Variants in AGMO observed in about 807,000 individuals in gnomAD.
AGMO encodes the protein glyceryl-ether monooxygenase.
A neutral mutation model predicts 60.2 loss-of-function variants in AGMO; 75 were observed. That is an observed-to-expected ratio of 1.25 (90% CI 1.03 to 1.51). The LOEUF is 1.51. Among genes scored for constraint, AGMO ranks in the 40% most tolerant of loss-of-function variants. The probability of loss-of-function intolerance (pLI) is 0.00; values close to 1 mark genes in which losing one functional copy is unlikely to be tolerated. For missense variants in AGMO, 763 were observed against 525.5 expected (o/e 1.45, Z -4.42); for synonymous variants, 261 against 177.1 (o/e 1.47, Z -3.76).
At chr7:15,291,205 T>C (rs1563072332) in intron 12 of AGMO, among the ~76,000 whole-genome samples, 1 of 152,230 alleles carries the variant, frequency 6.6e-6, no homozygotes, top group East Asian at 1.9e-4. Flanking sequence ...ATTAAAATGT[T>C]TGTGGTTAAG....
the AGMO span, among the ~76,000 whole-genome samples, chr7:15,143,491 T>C: frequency 1.3e-5 from 2 of 152,180 alleles, no homozygotes; most frequent in Non-Finnish European, 2.9e-5. Flanking sequence ...TAACTGAACA[T>C]GCAGACTGTT....
the AGMO span, among the ~76,000 whole-genome samples, chr7:15,181,302 T>C: frequency 3.5e-4 from 54 of 152,160 alleles, no homozygotes; most frequent in African/African-American, 1.2e-3. Context: ...AAAATTTCAA[T>C]TGACTGTTAT....
At chr7:15,223,157 T>C (rs1323120435) in intron 12 of AGMO, among the ~76,000 whole-genome samples, 1 of 151,942 alleles carries the variant, frequency 6.6e-6, no homozygotes, top group Non-Finnish European at 1.5e-5. Context: ...TTTAAGTGAG[T>C]GCTCAAAAGG....
At chr7:15,554,079 C>T (rs751476824) in intron 2 of AGMO, among the ~76,000 whole-genome samples, 1 of 152,110 alleles carries the variant, frequency 6.6e-6, no homozygotes, top group Non-Finnish European at 1.5e-5. Flanking sequence ...CTAACCAATA[C>T]AGCTGGGAAA....
rs189960381 is a variant in AGMO at position 15,466,794 on chromosome 7, A to G, written c.410-35686T>C. Among the ~76,000 whole-genome samples, 491 of 152,304 alleles carry G rather than the reference A, an allele frequency of 3.2e-3. 8 individuals are homozygous for G. The highest frequency in any genetic ancestry group is 5.4e-4 in the Non-Finnish European group (37 of 68,022). Reference sequence around the variant, plus strand: ...TTCTCATTTTAAGTACTGTGTCAGCATTGGATAAATAAAGGATACAGTTGG... The same window carrying G: ...TTCTCATTTTAAGTACTGTGTCAGCGTTGGATAAATAAAGGATACAGTTGG... On this transcript the variant is annotated intron_variant, in intron 3 of 12. Coordinates refer to ENST00000342526, the MANE Select transcript of AGMO (RefSeq NM_001004320.2).
chr7:15,185,670 T>C, the AGMO span, among the ~76,000 whole-genome samples: 2 of 151,972 alleles, frequency 1.3e-5, no homozygotes, highest in African/African-American at 2.4e-5. Context: ...AACTTAATCA[T>C]AGCCTTAGAA....
intron 12 of AGMO, among the ~76,000 whole-genome samples, chr7:15,224,272 T>G (rs1309224928): frequency 6.6e-6 from 1 of 152,070 alleles, no homozygotes; most frequent in Non-Finnish European, 1.5e-5. Flanking sequence ...TGAATATTTG[T>G]GTCCACCCTC....
intron 12 of AGMO, among the ~76,000 whole-genome samples, chr7:15,347,903 G>A (rs1342146081): frequency 1.3e-5 from 2 of 151,886 alleles, no homozygotes; most frequent in East Asian, 1.9e-4. Context: ...CAAGATAGAG[G>A]ATACTGATGG....
At position 15,543,498 on chromosome 7, in the gene AGMO, C is replaced by T. The variant is rs79872496; in HGVS notation, c.409+1274G>A. Among the ~76,000 whole-genome samples the T allele has an allele frequency of 7.2e-5, 11 of 152,216 alleles. No individual in the cohort carries two copies. The East Asian group carries it at 1.4e-3, about 19-fold the overall frequency. On this transcript the variant is annotated intron_variant, in intron 3 of 12. Coordinates refer to ENST00000342526, the MANE Select transcript of AGMO (RefSeq NM_001004320.2). ...GTAACAGAAAAGTGCATATGGTCAG[C>T]GCCTAGCTGATTGCATTTTCATTTG...
intron 3 of AGMO, among the ~76,000 whole-genome samples, chr7:15,489,977 T>C (rs1783028477): frequency 6.6e-6 from 1 of 152,206 alleles, no homozygotes; most frequent in Non-Finnish European, 1.5e-5. Flanking sequence ...TCTTAAAAAG[T>C]GAATTATTTT....
At chr7:15,346,190 A>G (rs1377456111) in intron 12 of AGMO, among the ~76,000 whole-genome samples, 1 of 152,142 alleles carries the variant, frequency 6.6e-6, no homozygotes, top group Non-Finnish European at 1.5e-5. Context: ...AACTGCATAT[A>G]CAGTATGTTA....
chr7:15,303,982 T>C (rs1459220264), intron 12 of AGMO, among the ~76,000 whole-genome samples: 1 of 152,088 alleles, frequency 6.6e-6, no homozygotes, highest in African/African-American at 2.4e-5. Context: ...GCTCAAAATA[T>C]CCAATACGAT....
chr7:15,559,439 T>C (rs1384062035), intron 2 of AGMO, among the ~76,000 whole-genome samples: 1 of 151,986 alleles, frequency 6.6e-6, no homozygotes, highest in Non-Finnish European at 1.5e-5. Context: ...CTGAAGAGTG[T>C]GATGTCTATG....
At chr7:15,350,691 TTACC>T (rs1343467134) in intron 12 of AGMO, among the ~76,000 whole-genome samples, 7 of 152,164 alleles carry the variant, frequency 4.6e-5, no homozygotes, top group Non-Finnish European at 1.5e-5. Context: ...GAGGGATATT[TTACC>T]TCAGAGAAAA....
intron 2 of AGMO, 23 bp from the exon 3 acceptor site, chr7:15,544,946 A>C: frequency 6.8e-7 from 1 of 1,475,378 alleles, no homozygotes; most frequent in Non-Finnish European, 9.1e-7. Flanking sequence ...ATTCACAATC[A>C]GTGATTATAT....
the AGMO span, among the ~76,000 whole-genome samples, chr7:15,184,053 A>G: frequency 6.6e-6 from 1 of 152,152 alleles, no homozygotes; most frequent in Non-Finnish European, 1.5e-5. Flanking sequence ...CTTTTATTTA[A>G]TTTAATCTCT....
At chr7:15,159,185 A>G in the AGMO span, among the ~76,000 whole-genome samples, 5 of 152,304 alleles carry the variant, frequency 3.3e-5, no homozygotes, top group East Asian at 7.7e-4. Flanking sequence ...TGCACAATGA[A>G]AGAAGAAAAA....
chr7:15,511,470 GGTT>G (rs1321206367), intron 3 of AGMO, among the ~76,000 whole-genome samples: 1 of 152,042 alleles, frequency 6.6e-6, no homozygotes, highest in African/African-American at 2.4e-5. Flanking sequence ...ATAGAGTGGT[GGTT>G]ATTAGGAGCT....
intron 12 of AGMO, among the ~76,000 whole-genome samples, chr7:15,280,350 C>T (rs1378495398): frequency 1.3e-5 from 2 of 152,184 alleles, no homozygotes; most frequent in Non-Finnish European, 2.9e-5. Context: ...TGTGCCAACA[C>T]TTCTTCACAG....
Sources: allele counts gnomAD v4.1 joint callset (sites outside exome capture counted in the v4.1 genomes callset), GRCh38; gene constraint gnomAD v4.1.1; transcripts MANE v1.5; gene names NCBI Gene and HGNC (gene_info 2026-07-23, HGNC 2026-07-21).